Variants in CCDC91 observed in about 807,000 individuals in gnomAD.
CCDC91 encodes the protein coiled-coil domain containing 91, also known as coiled-coil domain-containing protein 91.
A neutral mutation model predicts 63.2 loss-of-function variants in CCDC91; 48 were observed. The ratio of observed to expected loss-of-function variants is 0.76; its 90% CI spans 0.60 to 0.97. The LOEUF is 0.97. CCDC91 is among the 50% of genes least tolerant of loss of function. The probability of loss-of-function intolerance (pLI) is 0.00; values close to 1 mark genes in which losing one functional copy is unlikely to be tolerated. For synonymous variants in CCDC91, 167 were observed against 165.8 expected, an observed-to-expected ratio of 1.01 and a Z score of -0.06; for missense variants, 500 against 494.6, an observed-to-expected ratio of 1.01 and a Z score of -0.10.
At chr12:28,540,457 C>A (rs1942546358) in intron 12 of CCDC91, among the ~76,000 whole-genome samples, 2 of 152,114 alleles carry the variant, frequency 1.3e-5, no homozygotes, top group South Asian at 4.1e-4. Context: ...GCAAGAAACT[C>A]CTGCATATTT....
chr12:28,274,122 C>G (rs572166165), intron 3 of CCDC91, among the ~76,000 whole-genome samples: 7 of 152,020 alleles, frequency 4.6e-5, no homozygotes, highest in South Asian at 2.1e-4. Context: ...TCTTGTTTTT[C>G]TCAGGTTTGT....
chr12:28,485,229 G>A (rs1203675682), intron 12 of CCDC91, among the ~76,000 whole-genome samples: 3 of 151,380 alleles, frequency 2.0e-5, no homozygotes, highest in African/African-American at 7.3e-5. Context: ...CGCGATCTCC[G>A]CTCACTGTAA....
intron 12 of CCDC91, among the ~76,000 whole-genome samples, chr12:28,504,782 A>G (rs575946803): frequency 5.3e-5 from 8 of 151,916 alleles, no homozygotes; most frequent in Non-Finnish European, 1.0e-4. Context: ...TTTCACTTAT[A>G]TTATAGACCA....
chr12:28,362,544 A>G (rs1943970885), intron 7 of CCDC91, 29 bp downstream of exon 7: 1 of 1,431,090 alleles, frequency 7.0e-7, no homozygotes, highest in African/African-American at 1.4e-5. Flanking sequence ...TTACTTTTTT[A>G]AACCTTGGAT....
chr12:28,212,516 G>A (rs1223637054), intron 1 of CCDC91, among the ~76,000 whole-genome samples: 2 of 152,152 alleles, frequency 1.3e-5, no homozygotes, highest in South Asian at 2.1e-4. Context: ...TTTTACAGGC[G>A]CATACCCCTA....
chr12:28,316,263 T>C (rs1213218327), intron 6 of CCDC91, among the ~76,000 whole-genome samples: 5 of 151,878 alleles, frequency 3.3e-5, no homozygotes, highest in Non-Finnish European at 7.4e-5. Flanking sequence ...GGATAGTCTT[T>C]GCCTTCTACA....
rs1592264595 is a variant in CCDC91 at position 28,307,587 on chromosome 12, CTAAT to C, written c.472-55_472-52del. The C allele has an allele frequency of 2.2e-5, 20 of 899,968 alleles. No individual in the cohort carries two copies. The East Asian group carries it at 5.5e-4, about 25-fold the overall frequency. 55.7% of individuals were successfully genotyped at this position (899,968 alleles called of 1,614,324 possible). On this transcript the variant is annotated intron_variant, in intron 5 of 12. Transcript: ENST00000536442. ...TTTTCTGACATGTTCATTGAAAAAA[CTAAT>C]TATATTTTATGCCATTAAATATTAC...
intron 8 of CCDC91, among the ~76,000 whole-genome samples, chr12:28,414,830 G>A (rs754249372): frequency 3.9e-5 from 6 of 152,056 alleles, no homozygotes; most frequent in Non-Finnish European, 7.4e-5. Context: ...TGAACTTGGG[G>A]CAATAAAGTA....
chr12:28,408,843 A>G (rs1439685207), intron 8 of CCDC91, among the ~76,000 whole-genome samples: 1 of 151,988 alleles, frequency 6.6e-6, no homozygotes, highest in Non-Finnish European at 1.5e-5. Flanking sequence ...GGGTTTCACC[A>G]TGTTGGCCAG....
chr12:28,495,122 C>T (rs556976530), intron 12 of CCDC91, among the ~76,000 whole-genome samples: 4 of 151,748 alleles, frequency 2.6e-5, no homozygotes, highest in African/African-American at 9.6e-5. Flanking sequence ...TTCCCTTTCT[C>T]CAGTATAGCT....
intron 3 of CCDC91, among the ~76,000 whole-genome samples, chr12:28,305,187 G>C (rs778640808): frequency 6.6e-6 from 1 of 151,994 alleles, no homozygotes; most frequent in Non-Finnish European, 1.5e-5. Flanking sequence ...TAAAGCCATT[G>C]AGTACATGGG....
At position 28,417,338 on chromosome 12, in the gene CCDC91, A is replaced by G. The variant is rs569811144; in HGVS notation, c.762+25927A>G. 7.0e-4 allele frequency among the ~76,000 whole-genome samples: 106 copies of G among 152,248 alleles called. 1 individual carries two copies. Among genetic ancestry groups the G allele is most frequent in the African/African-American group, 2.5e-3 (102 of 41,566 alleles). On this transcript the variant is annotated intron_variant, in intron 8 of 12. Coordinates refer to ENST00000536442, the MANE Select transcript of CCDC91 (RefSeq NM_018318.5). ...TTTTGACAAACACAATCATGCAGCTACTACCATAATCAGAATATAAAACAA... is the reference window on the plus strand; with the variant it reads ...TTTTGACAAACACAATCATGCAGCTGCTACCATAATCAGAATATAAAACAA...
At chr12:28,500,770 A>G (rs906654973) in intron 12 of CCDC91, among the ~76,000 whole-genome samples, 4 of 151,744 alleles carry the variant, frequency 2.6e-5, no homozygotes, top group Non-Finnish European at 4.4e-5. Context: ...GAATAGATGT[A>G]TTCCATAGAT....
intron 11 of CCDC91, among the ~76,000 whole-genome samples, chr12:28,472,382 T>C (rs1592769218): frequency 6.6e-6 from 1 of 152,182 alleles, no homozygotes; most frequent in East Asian, 1.9e-4. Flanking sequence ...CAGAAGGCTT[T>C]ATGGGCTAAG....
intron 6 of CCDC91, among the ~76,000 whole-genome samples, chr12:28,330,447 A>G (rs1025380640): frequency 6.7e-6 from 1 of 148,348 alleles, no homozygotes; most frequent in African/African-American, 2.5e-5. Flanking sequence ...TCTGTCGCCC[A>G]CTTTTTGATG....
At chr12:28,325,402 G>T (rs974913503) in intron 6 of CCDC91, among the ~76,000 whole-genome samples, 22 of 151,914 alleles carry the variant, frequency 1.4e-4, no homozygotes, top group Non-Finnish European at 2.5e-4. Context: ...TCTATTTTGG[G>T]TGATTGTGAT....
intron 12 of CCDC91, among the ~76,000 whole-genome samples, chr12:28,535,271 G>A (rs1190591027): frequency 1.3e-5 from 2 of 152,082 alleles, no homozygotes; most frequent in Middle Eastern, 3.2e-3. Flanking sequence ...TTTCATCCGG[G>A]CATAATGATA....
intron 1 of CCDC91, among the ~76,000 whole-genome samples, chr12:28,205,422 C>T (rs1036456144): frequency 6.6e-6 from 1 of 151,816 alleles, no homozygotes; most frequent in African/African-American, 2.4e-5. Context: ...TATACCAGCA[C>T]TTTTAATTCA....
chr12:28,306,439 A>G (rs1938735292), intron 4 of CCDC91, among the ~76,000 whole-genome samples: 1 of 152,102 alleles, frequency 6.6e-6, no homozygotes, highest in African/African-American at 2.4e-5. Context: ...ACAACCAGAT[A>G]TGTCTATCCT....
Sources: allele counts gnomAD v4.1 joint callset (sites outside exome capture counted in the v4.1 genomes callset), GRCh38; gene constraint gnomAD v4.1.1; transcripts MANE v1.5; gene names NCBI Gene and HGNC (gene_info 2026-07-23, HGNC 2026-07-21).